Variants in LRP1B observed in about 807,000 individuals in gnomAD.
LRP1B encodes the protein low-density lipoprotein receptor-related protein 1B.
In LRP1B, 217 loss-of-function variants were observed where a neutral mutation model predicts 556.6. The observed-to-expected ratio is 0.39, with a 90% CI of 0.35 to 0.44. The LOEUF (loss-of-function observed/expected upper bound fraction) is 0.44. Ranked by LOEUF, LRP1B falls within the 20% of genes least tolerant of loss-of-function variation. The pLI is 1.00. For missense variants in LRP1B, 5,053 were observed against 5,620.8 expected, an observed-to-expected ratio of 0.90 and a Z score of 3.23; for synonymous variants, 2,047 against 1,865.8, an observed-to-expected ratio of 1.10 and a Z score of -2.50.
chr2:141,446,296 ATG>A (rs1681192114), intron 3 of LRP1B, among the ~76,000 whole-genome samples: 1 of 151,852 alleles, frequency 6.6e-6, no homozygotes, highest in Admixed American at 6.6e-5. Flanking sequence ...TTTTGAGTCT[ATG>A]TGTGTCTTTA....
intron 2 of LRP1B, among the ~76,000 whole-genome samples, chr2:141,624,949 T>C (rs1688652187): frequency 6.6e-6 from 1 of 152,010 alleles, no homozygotes; most frequent in Non-Finnish European, 1.5e-5. Context: ...TTTTGTATTT[T>C]AGTAGAGTCG....
intron 80 of LRP1B, among the ~76,000 whole-genome samples, chr2:140,324,681 A>C (rs1558802158): frequency 6.6e-6 from 1 of 152,024 alleles, no homozygotes; most frequent in Non-Finnish European, 1.5e-5. Context: ...TTTATAGAAT[A>C]ATTATTCTAA....
At chr2:141,826,649 A>G (rs558529362) in intron 1 of LRP1B, among the ~76,000 whole-genome samples, 7 of 152,208 alleles carry the variant, frequency 4.6e-5, no homozygotes, top group Non-Finnish European at 7.4e-5. Context: ...AAGAGCCACC[A>G]CGCCCGACCA....
At chr2:140,424,187 A>G (rs898857853) in intron 66 of LRP1B, among the ~76,000 whole-genome samples, 4 of 152,232 alleles carry the variant, frequency 2.6e-5, no homozygotes, top group African/African-American at 9.6e-5. Flanking sequence ...CTTAAAAAAG[A>G]TAATTTGGCA....
intron 1 of LRP1B, among the ~76,000 whole-genome samples, chr2:141,880,843 C>T (rs1312831186): frequency 6.6e-6 from 1 of 150,654 alleles, no homozygotes; most frequent in Non-Finnish European, 1.5e-5. Context: ...TGAATTCACA[C>T]TGTGAATACA....
At chr2:140,619,074 TACACACAC>T (rs113009077) in intron 41 of LRP1B, among the ~76,000 whole-genome samples, 56,032 of 146,214 alleles carry the variant, frequency 0.38, 10,683 homozygotes, top group Middle Eastern at 0.43. Flanking sequence ...TATATCTATC[TACACACAC>T]ACACACACAC....
At chr2:141,259,216 T>C (rs1462503991) in intron 3 of LRP1B, among the ~76,000 whole-genome samples, 6 of 152,322 alleles carry the variant, frequency 3.9e-5, no homozygotes, top group African/African-American at 1.4e-4. Context: ...AACTGAAATT[T>C]CTTTCACCAC....
chr2:141,962,114 A>G (rs892068452), intron 1 of LRP1B, among the ~76,000 whole-genome samples: 6 of 151,756 alleles, frequency 4.0e-5, no homozygotes, highest in African/African-American at 1.2e-4. Context: ...AAAAATGACA[A>G]TTTCATATGG....
intron 49 of LRP1B, among the ~76,000 whole-genome samples, chr2:140,521,459 A>T (rs1690169559): frequency 6.6e-6 from 1 of 152,040 alleles, no homozygotes; most frequent in Admixed American, 6.6e-5. Context: ...TAGATAAAGG[A>T]GAAATAAAGT....
Position 141,569,476 on chromosome 2 carries a change from G to T in LRP1B, c.206-88943C>A, listed in dbSNP as rs143739841. Among the ~76,000 whole-genome samples, 299 of 151,276 alleles carry T rather than the reference G, an allele frequency of 2.0e-3. 4 individuals carry two copies. Among genetic ancestry groups the T allele is most frequent in the African/African-American group, 6.9e-3 (286 of 41,504 alleles). ...CTGAAATATCAGGAGAGGTTTATCTGGGTCTGGAGAGGGAGGAACTAGTCA... is the reference window on the plus strand; with the variant it reads ...CTGAAATATCAGGAGAGGTTTATCTTGGTCTGGAGAGGGAGGAACTAGTCA... On this transcript the variant is annotated intron_variant, in intron 2 of 90. Coordinates refer to ENST00000389484, the MANE Select transcript of LRP1B (RefSeq NM_018557.3).
At chr2:141,798,533 C>A (rs1178893106) in intron 2 of LRP1B, among the ~76,000 whole-genome samples, 1 of 151,554 alleles carries the variant, frequency 6.6e-6, no homozygotes, top group Non-Finnish European at 1.5e-5. Context: ...ATGATGAAAC[C>A]CCGTCTCTAC....
At chr2:141,601,522 T>C (rs189436117) in intron 2 of LRP1B, among the ~76,000 whole-genome samples, 4 of 152,296 alleles carry the variant, frequency 2.6e-5, no homozygotes, top group African/African-American at 7.2e-5. Context: ...TTCACCTTGA[T>C]GTATTTTTCT....
rs1691100227 is a variant in LRP1B, at chr2:140,815,857, TG to T, written c.5210-2052del. On this transcript the variant is annotated intron_variant, in intron 31 of 90. Coordinates refer to ENST00000389484, the MANE Select transcript of LRP1B (RefSeq NM_018557.3). ...AGAGGGGGCTTCACAGAGGGAAGAA[TG>T]TTGTCTCTCTTTTTTTTTTTTTTTT... 1.9e-5 allele frequency among the ~76,000 whole-genome samples: 2 copies of T among 104,974 alleles called. 1 individual carries two copies. The highest frequency in any genetic ancestry group is 4.1e-5 in the Non-Finnish European group (2 of 49,008). The allele number at this position is 104,974 out of a possible 152,430, so 68.9% of individuals were successfully genotyped here. A position where few individuals can be genotyped will look rare whatever the true frequency, so the allele number is the denominator to read the frequency against.
intron 1 of LRP1B, among the ~76,000 whole-genome samples, chr2:141,897,350 T>C (rs1237894286): frequency 6.6e-6 from 1 of 152,186 alleles, no homozygotes; most frequent in African/African-American, 2.4e-5. Context: ...GGCTTGTCAA[T>C]TGACTGTTCA....
intron 1 of LRP1B, among the ~76,000 whole-genome samples, chr2:141,942,016 TCTC>T (rs972588152): frequency 6.6e-6 from 1 of 152,188 alleles, no homozygotes; most frequent in African/African-American, 2.4e-5. Flanking sequence ...CTCTTCTCCT[TCTC>T]TATCTGTCAC....
At chr2:140,289,353 CAA>C (rs747811307) in intron 84 of LRP1B, among the ~76,000 whole-genome samples, 5 of 151,858 alleles carry the variant, frequency 3.3e-5, no homozygotes, top group Non-Finnish European at 7.4e-5. Context: ...TTCTATTCAT[CAA>C]AGTTATACAA....
intron 7 of LRP1B, among the ~76,000 whole-genome samples, chr2:141,184,546 A>T (rs1308018504): frequency 6.6e-6 from 1 of 151,658 alleles, no homozygotes; most frequent in Non-Finnish European, 1.5e-5. Flanking sequence ...TCATTAGATT[A>T]TACCCCTTTT....
At chr2:140,828,869 G>A (rs1691616865) in intron 31 of LRP1B, among the ~76,000 whole-genome samples, 1 of 149,946 alleles carries the variant, frequency 6.7e-6, no homozygotes, top group South Asian at 2.1e-4. Flanking sequence ...TAGGCTATAT[G>A]CTACTTGTAA....
In LRP1B at chr2:140,965,198, C is replaced by T. The variant is rs1372399994; in HGVS notation, c.2888-13258G>A. Reference sequence around the variant, plus strand: ...ATTGTTAGGTATCAAAAAGGTACATCGAATTCTAACCCCCAGGACCTGTGG... The same window carrying T: ...ATTGTTAGGTATCAAAAAGGTACATTGAATTCTAACCCCCAGGACCTGTGG... On this transcript the variant is annotated intron_variant, in intron 18 of 90. Transcript: ENST00000389484. Among the ~76,000 whole-genome samples the T allele has an allele frequency of 3.9e-5, 6 of 152,092 alleles. No individual in the cohort carries two copies. In the South Asian group the frequency reaches 6.2e-4, roughly 16 times the overall value.
Sources: gnomAD v4.1 joint callset for allele counts (sites outside exome capture counted in the v4.1 genomes callset) on GRCh38, gnomAD v4.1.1 for gene constraint, MANE v1.5 for transcripts, NCBI Gene and HGNC (gene_info 2026-07-23, HGNC 2026-07-21) for gene names.